The following PIK3C2G variants were observed in gnomAD, a reference collection of about 807,000 sequenced individuals.
PIK3C2G encodes phosphatidylinositol-4-phosphate 3-kinase catalytic subunit type 2 gamma.
A neutral mutation model predicts 181.1 loss-of-function variants in PIK3C2G; 168 were observed. That is an observed-to-expected ratio of 0.93 (90% CI 0.82 to 1.05). The LOEUF (loss-of-function observed/expected upper bound fraction) is 1.05, where lower values mean the gene tolerates loss of function less well. Among genes scored for constraint, PIK3C2G ranks in the 50% least tolerant of loss-of-function variants. PIK3C2G has a pLI of 0.00. For synonymous variants in PIK3C2G, 573 were observed against 592.2 expected, an observed-to-expected ratio of 0.97 and a Z score of 0.47; for missense variants, 1,869 against 1,732.8, an observed-to-expected ratio of 1.08 and a Z score of -1.40.
intron 32 of PIK3C2G, among the ~76,000 whole-genome samples, chr12:18,645,895 C>T (rs983755796): frequency 2.0e-5 from 3 of 152,164 alleles, no homozygotes; most frequent in African/African-American, 7.2e-5. Context: ...GCATCATATA[C>T]AGTCACACTT....
intron 10 of PIK3C2G, 29 bp downstream of exon 10, chr12:18,343,389 G>T: frequency 8.6e-7 from 1 of 1,163,600 alleles, no homozygotes; most frequent in South Asian, 1.5e-5. Context: ...CAAGTATTTT[G>T]AAATAAAGAA....
intron 23 of PIK3C2G, among the ~76,000 whole-genome samples, chr12:18,504,448 A>G (rs1461406516): frequency 1.3e-5 from 2 of 152,196 alleles, no homozygotes; most frequent in Non-Finnish European, 1.5e-5. Context: ...AGTGAAGAAC[A>G]TTTGGATTGA....
intron 31 of PIK3C2G, among the ~76,000 whole-genome samples, chr12:18,626,989 C>G (rs1467697889): frequency 6.6e-6 from 1 of 151,898 alleles, no homozygotes; most frequent in Non-Finnish European, 1.5e-5. Flanking sequence ...TTCCTCCTCT[C>G]TGTATTTAAT....
At chr12:18,668,440 C>T in the PIK3C2G span, among the ~76,000 whole-genome samples, 12 of 152,276 alleles carry the variant, frequency 7.9e-5, no homozygotes, top group African/African-American at 2.9e-4. Context: ...TGGAACCCAA[C>T]CTACACACAT....
At chr12:18,462,153 A>G (rs996133401) in intron 18 of PIK3C2G, among the ~76,000 whole-genome samples, 4 of 152,160 alleles carry the variant, frequency 2.6e-5, no homozygotes, top group African/African-American at 9.6e-5. Context: ...AGACATTATG[A>G]GTGGAGGAGT....
chr12:18,304,636 A>G (rs1339988371), intron 5 of PIK3C2G, among the ~76,000 whole-genome samples: 3 of 152,212 alleles, frequency 2.0e-5, no homozygotes, highest in Admixed American at 2.0e-4. Flanking sequence ...TAAAACTATT[A>G]ATTACCAGTG....
intron 7 of PIK3C2G, among the ~76,000 whole-genome samples, chr12:18,321,736 A>T (rs1203804927): frequency 1.3e-5 from 2 of 152,216 alleles, no homozygotes; most frequent in African/African-American, 4.8e-5. Context: ...GGATAAAGAA[A>T]TGGCACATAT....
intron 24 of PIK3C2G, among the ~76,000 whole-genome samples, chr12:18,515,078 T>A (rs550162264): frequency 1.3e-5 from 2 of 152,122 alleles, no homozygotes; most frequent in African/African-American, 4.8e-5. Flanking sequence ...GCATCTCTGA[T>A]ATAAATCCCA....
At chr12:18,566,394 T>C (rs1219469939) in intron 28 of PIK3C2G, among the ~76,000 whole-genome samples, 1 of 152,204 alleles carries the variant, frequency 6.6e-6, no homozygotes, top group African/African-American at 2.4e-5. Flanking sequence ...CACCTAATAA[T>C]TGGTCTTAAT....
At chr12:18,300,245 C>T (rs1950117472) in intron 5 of PIK3C2G, among the ~76,000 whole-genome samples, 1 of 151,916 alleles carries the variant, frequency 6.6e-6, no homozygotes, top group African/African-American at 2.4e-5. Context: ...TTTTCTGTTA[C>T]AGCCTGAATC....
intron 11 of PIK3C2G, among the ~76,000 whole-genome samples, chr12:18,352,582 A>C (rs764617742): frequency 9.2e-5 from 14 of 152,212 alleles, no homozygotes; most frequent in Admixed American, 1.3e-4. Context: ...CAGATGACTT[A>C]AGTGTTTAAC....
the PIK3C2G span, among the ~76,000 whole-genome samples, chr12:18,657,771 C>CA: frequency 6.6e-6 from 1 of 151,760 alleles, no homozygotes; most frequent in African/African-American, 2.4e-5. Flanking sequence ...CAGTCTTCAA[C>CA]AAAAAATTGT....
the PIK3C2G span, among the ~76,000 whole-genome samples, chr12:18,678,250 T>C: frequency 3.3e-5 from 5 of 152,094 alleles, no homozygotes; most frequent in Non-Finnish European, 7.4e-5. Context: ...CTGAGCCAAA[T>C]AAACCTTTCA....
intron 24 of PIK3C2G, among the ~76,000 whole-genome samples, chr12:18,513,541 G>A (rs138601403): frequency 3.3e-5 from 5 of 151,742 alleles, no homozygotes; most frequent in African/African-American, 4.8e-5. Context: ...ATGTGTCTAG[G>A]AATTTATCCA....
chr12:18,686,514 G>T, the PIK3C2G span, among the ~76,000 whole-genome samples: 1 of 151,150 alleles, frequency 6.6e-6, no homozygotes, highest in Non-Finnish European at 1.5e-5. Context: ...TAGGACTTGT[G>T]TTCTGTCTCT....
chr12:18,716,588 T>C, the PIK3C2G span, among the ~76,000 whole-genome samples: 3 of 152,204 alleles, frequency 2.0e-5, no homozygotes, highest in Non-Finnish European at 4.4e-5. Context: ...GTAAACCTTG[T>C]AACTAATCCT....
At chr12:18,498,121 T>C (rs984164040) in intron 22 of PIK3C2G, among the ~76,000 whole-genome samples, 3 of 152,186 alleles carry the variant, frequency 2.0e-5, no homozygotes. Context: ...ATCTACACAT[T>C]TTCAAGTGCT....
At chr12:18,716,238 T>C in the PIK3C2G span, among the ~76,000 whole-genome samples, 1 of 151,940 alleles carries the variant, frequency 6.6e-6, no homozygotes, top group Non-Finnish European at 1.5e-5. Context: ...TTGAGCTTTT[T>C]ACTTGGGGTG....
chr12:18,526,639 GTTTGTTTTGGT>G lies in PIK3C2G; in HGVS notation c.3324-11507_3324-11497del, dbSNP rs1170589450. On this transcript the variant is annotated intron_variant, in intron 24 of 32. Coordinates refer to ENST00000538779, the MANE Select transcript of PIK3C2G (RefSeq NM_001288772.2). ...ACCAAGGGTTTTTTGTTTGTTGTTT[GTTTGTTTTGGT>G]TTTGTTTTGTTTTTTAACCTGATGG... Among the ~76,000 whole-genome samples, 6 of 152,058 alleles carry G rather than the reference GTTTGTTTTGGT, an allele frequency of 3.9e-5. No individual in the cohort carries two copies. The East Asian group carries it at 1.2e-3, about 29-fold the overall frequency.
Sources: gnomAD v4.1 joint callset for allele counts (sites outside exome capture counted in the v4.1 genomes callset) on GRCh38, gnomAD v4.1.1 for gene constraint, MANE v1.5 for transcripts, NCBI Gene and HGNC (gene_info 2026-07-23, HGNC 2026-07-21) for gene names.